Variants in ANKRD30B observed in about 807,000 individuals in gnomAD.
ANKRD30B encodes ankyrin repeat domain 30B, also known as ankyrin repeat domain-containing protein 30B.
Under a neutral mutation model 202.2 loss-of-function variants are expected in ANKRD30B, and 144 were observed. That is an observed-to-expected ratio of 0.71 (90% CI 0.62 to 0.82). The LOEUF is 0.82. Ranked by LOEUF, ANKRD30B falls within the 40% of genes least tolerant of loss-of-function variation. ANKRD30B has a pLI of 0.00. For synonymous variants in ANKRD30B, 508 were observed against 561.3 expected (o/e 0.91, Z 1.34); for missense variants, 1,487 against 1,669.1 (o/e 0.89, Z 1.90).
At chr18:14,804,283 A>T (rs1261887904) in intron 24 of ANKRD30B, among the ~76,000 whole-genome samples, 1 of 76,614 alleles carries the variant, frequency 1.3e-5, no homozygotes, top group East Asian at 3.2e-4. Context: ...TACAGCAAAA[A>T]TATTCTGACT....
chr18:14,913,732 G>A, the ANKRD30B span, among the ~76,000 whole-genome samples: 1 of 152,150 alleles, frequency 6.6e-6, no homozygotes, highest in Non-Finnish European at 1.5e-5. Context: ...TCACTCTGAT[G>A]GTAAGTGATG....
At chr18:14,880,295 A>G in the ANKRD30B span, among the ~76,000 whole-genome samples, 1 of 152,152 alleles carries the variant, frequency 6.6e-6, no homozygotes, top group Non-Finnish European at 1.5e-5. Flanking sequence ...CTTATTGTAC[A>G]GTTTGAAATC....
chr18:14,905,867 T>C, the ANKRD30B span: 2 of 152,208 alleles, frequency 1.3e-5, no homozygotes, highest in Non-Finnish European at 2.9e-5. Flanking sequence ...GGGATGTCTA[T>C]TTTAATGTTA....
intron 18 of ANKRD30B, among the ~76,000 whole-genome samples, chr18:14,796,621 C>G (rs1320582402): frequency 6.6e-6 from 1 of 152,056 alleles, no homozygotes; most frequent in Non-Finnish European, 1.5e-5. Context: ...TCAGCTTTGC[C>G]TCATGTGGAT....
the ANKRD30B span, among the ~76,000 whole-genome samples, chr18:14,887,805 G>A: frequency 6.6e-6 from 1 of 151,702 alleles, no homozygotes; most frequent in Non-Finnish European, 1.5e-5. Context: ...GTTTAATGCT[G>A]TAACCGTAGG....
intron 16 of ANKRD30B, among the ~76,000 whole-genome samples, chr18:14,793,281 C>G (rs1015907254): frequency 6.6e-6 from 1 of 152,102 alleles, no homozygotes; most frequent in African/African-American, 2.4e-5. Flanking sequence ...GCTGAACTCT[C>G]ATCCGAACTG....
At chr18:14,865,616 G>GT in the ANKRD30B span, among the ~76,000 whole-genome samples, 534 of 145,288 alleles carry the variant, frequency 3.7e-3, 4 homozygotes, top group African/African-American at 0.011. Context: ...TCTACCCCCA[G>GT]TTTTTTTTTT....
chr18:14,839,151 G>A (rs913074406), intron 36 of ANKRD30B, among the ~76,000 whole-genome samples: 3 of 152,226 alleles, frequency 2.0e-5, no homozygotes, highest in African/African-American at 7.2e-5. Context: ...TATCCAAGAT[G>A]AAAGATTATG....
intron 33 of ANKRD30B, among the ~76,000 whole-genome samples, chr18:14,829,414 A>C (rs937516709): frequency 2.6e-5 from 4 of 152,156 alleles, no homozygotes; most frequent in African/African-American, 9.7e-5. Flanking sequence ...ATAGAAAGGA[A>C]AAGGGGATGG....
intron 1 of ANKRD30B, 61 bp from the exon 2 acceptor site, chr18:14,752,505 A>G: frequency 8.0e-7 from 1 of 1,254,646 alleles, no homozygotes; most frequent in Non-Finnish European, 1.1e-6. Flanking sequence ...AATTACCTAA[A>G]TCGTTGTATG....
chr18:14,767,040 C>T (rs1483705603), intron 7 of ANKRD30B, among the ~76,000 whole-genome samples: 2 of 152,142 alleles, frequency 1.3e-5, no homozygotes, highest in African/African-American at 4.8e-5. Context: ...TCCTACCTAA[C>T]TTTTTGTAAC....
the ANKRD30B span, among the ~76,000 whole-genome samples, chr18:14,913,811 C>G: frequency 6.6e-6 from 1 of 152,216 alleles, no homozygotes; most frequent in African/African-American, 2.4e-5. Flanking sequence ...GTGGTTTACT[C>G]TCCCTCTCAC....
downstream of ANKRD30B, among the ~76,000 whole-genome samples, chr18:14,859,050 G>A (rs1382997492): frequency 5.2e-5 from 5 of 96,258 alleles, no homozygotes; most frequent in South Asian, 3.5e-4. Context: ...GGTGCTCCTC[G>A]CCTCCCACAT....
rs772864014 is a variant in ANKRD30B, at chr18:14,852,042, C to A, written c.4098C>A (p.Leu1366=). ...AATCCAAAAGCCCAAAAATTAATCT[C>A]AATTATGCAGGAGATGATCTAAGAG... ...QRKSKSPKIN[L]NYAGDDLREN... Residue 1366 remains leucine, a synonymous_variant, in exon 42 of 44, where the codon CTC becomes CTA. Transcript: ENST00000690538. The A allele has an allele frequency of 1.3e-5, 21 of 1,606,578 alleles. No individual in the cohort carries two copies. The East Asian group carries it at 4.5e-4, about 34-fold the overall frequency.
At chr18:14,751,484 TC>T (rs1225690653) in intron 1 of ANKRD30B, among the ~76,000 whole-genome samples, 1 of 152,064 alleles carries the variant, frequency 6.6e-6, no homozygotes, top group Non-Finnish European at 1.5e-5. Flanking sequence ...AAGCTTTTCC[TC>T]TCATGTTTCA....
At chr18:14,859,079 C>T (rs368540075), downstream of ANKRD30B, among the ~76,000 whole-genome samples, 48 of 132,256 alleles carry the variant, frequency 3.6e-4, 1 homozygote, top group East Asian at 5.5e-3. Context: ...CGGGCAGAGG[C>T]GCTCCTCACC....
At chr18:14,913,194 T>G in the ANKRD30B span, among the ~76,000 whole-genome samples, 1 of 152,236 alleles carries the variant, frequency 6.6e-6, no homozygotes, top group Non-Finnish European at 1.5e-5. Context: ...AAGCTTTCAG[T>G]GAGCTCAGTG....
At chr18:14,846,973 G>A (rs541227390) in intron 39 of ANKRD30B, among the ~76,000 whole-genome samples, 3 of 150,010 alleles carry the variant, frequency 2.0e-5, no homozygotes, top group African/African-American at 7.3e-5. Flanking sequence ...ATTTCTGTTA[G>A]TCCCAGATCT....
the ANKRD30B span, among the ~76,000 whole-genome samples, chr18:14,882,061 G>T: frequency 6.6e-6 from 1 of 151,942 alleles, no homozygotes; most frequent in Admixed American, 6.6e-5. Context: ...CCAACTTTTT[G>T]CTTTATTTAT....
Sources: allele counts gnomAD v4.1 joint callset (sites outside exome capture counted in the v4.1 genomes callset), GRCh38; gene constraint gnomAD v4.1.1; transcripts MANE v1.5; gene names NCBI Gene and HGNC (gene_info 2026-07-23, HGNC 2026-07-21).